The following CDK17 variants were observed in gnomAD, a reference collection of about 807,000 sequenced individuals.
The protein encoded by CDK17 is cyclin-dependent kinase 17.
Under a neutral mutation model 77.6 loss-of-function variants are expected in CDK17, and 24 were observed. The observed-to-expected ratio is 0.31, with a 90% CI of 0.22 to 0.44. The LOEUF (loss-of-function observed/expected upper bound fraction) is 0.44, where lower values mean the gene tolerates loss of function less well. Among genes scored for constraint, CDK17 ranks in the 20% least tolerant of loss-of-function variants. The pLI is 1.00. For synonymous variants in CDK17, 203 were observed against 210.4 expected (o/e 0.96, Z 0.30); for missense variants, 429 against 622.5 (o/e 0.69, Z 3.31).
At chr12:96,312,950 C>A (rs923325784) in intron 4 of CDK17, among the ~76,000 whole-genome samples, 1 of 152,106 alleles carries the variant, frequency 6.6e-6, no homozygotes, top group African/African-American at 2.4e-5. Flanking sequence ...CCAGATGAAT[C>A]TCAAAAATAT....
intron 1 of CDK17, among the ~76,000 whole-genome samples, chr12:96,384,747 T>A (rs1374707596): frequency 6.6e-6 from 1 of 152,132 alleles, no homozygotes; most frequent in Non-Finnish European, 1.5e-5. Flanking sequence ...CTGAGCAGGG[T>A]GGCTAATGCC....
At chr12:96,308,436 T>C (rs1028022535) in intron 5 of CDK17, among the ~76,000 whole-genome samples, 2 of 151,280 alleles carry the variant, frequency 1.3e-5, no homozygotes, top group African/African-American at 4.9e-5. Context: ...CATTATATAA[T>C]AATATGTAAA....
At chr12:96,317,315 C>T (rs1358882416) in intron 3 of CDK17, among the ~76,000 whole-genome samples, 5 of 129,574 alleles carry the variant, frequency 3.9e-5, no homozygotes, top group African/African-American at 1.1e-4. Context: ...ACCAAATCTA[C>T]GTCTGATTGG....
chr12:96,284,731 A>C (rs1952226004), intron 13 of CDK17, among the ~76,000 whole-genome samples: 2 of 151,580 alleles, frequency 1.3e-5, no homozygotes, highest in African/African-American at 4.8e-5. Context: ...CGTCCGGCTA[A>C]TTTTTTGTAT....
At chr12:96,380,373 C>G (rs1953860847) in intron 1 of CDK17, among the ~76,000 whole-genome samples, 1 of 151,100 alleles carries the variant, frequency 6.6e-6, no homozygotes, top group East Asian at 2.0e-4. Flanking sequence ...CCTCCGCCTC[C>G]TGGGTTCATA....
intron 9 of CDK17, 53 bp from the exon 10 acceptor site, chr12:96,295,175 A>G: frequency 2.9e-6 from 4 of 1,393,556 alleles, no homozygotes; most frequent in South Asian, 1.3e-5. Context: ...ATGCTTTAGT[A>G]TAAGCATAAA....
chr12:96,318,684 T>C lies in CDK17; in HGVS notation c.284-5230A>G, dbSNP rs1050267348. ...TCAACTACATGGAAACTGAACAACC[T>C]GCTCCTGAATGACTACTGGGTACAT... On this transcript the variant is annotated intron_variant, in intron 3 of 16. Transcript: ENST00000261211. Among the ~76,000 whole-genome samples the C allele has an allele frequency of 2.3e-4, 33 of 145,442 alleles. No individual in the cohort carries two copies. The Admixed American group carries it at 2.3e-3, about 10-fold the overall frequency.
chr12:96,399,881 C>T (rs1170667513), intron 1 of CDK17, 105 bp downstream of exon 1: 2 of 297,664 alleles, frequency 6.7e-6, no homozygotes, highest in Non-Finnish European at 1.2e-5. Context: ...GCCACCCGCG[C>T]CCCCAGTAGC....
At chr12:96,314,566 T>C (rs1381667070) in intron 3 of CDK17, among the ~76,000 whole-genome samples, 2 of 152,178 alleles carry the variant, frequency 1.3e-5, no homozygotes, top group Non-Finnish European at 2.9e-5. Context: ...TCCACCCACC[T>C]TGGCCTCTCA....
chr12:96,334,581 C>A lies in CDK17; in HGVS notation c.118+138G>T. 3 of 570,986 alleles carry A rather than the reference C, an allele frequency of 5.3e-6. No homozygotes were observed. The South Asian group carries it at 7.5e-5, about 14-fold the overall frequency. The allele number at this position is 570,986 out of a possible 1,614,324, so 35.4% of individuals were successfully genotyped here. A position where few individuals can be genotyped will look rare whatever the true frequency, so the allele number is the denominator to read the frequency against. On this transcript the variant is annotated intron_variant, in intron 2 of 16. Coordinates refer to ENST00000261211, the MANE Select transcript of CDK17 (RefSeq NM_002595.5). ...AACCAAACAAAAGTTATATAGTCTT[C>A]AATTTCCTAAGAAACCATGGAATGA...
intron 2 of CDK17, among the ~76,000 whole-genome samples, chr12:96,331,780 G>C (rs1208011672): frequency 6.6e-6 from 1 of 152,118 alleles, no homozygotes; most frequent in African/African-American, 2.4e-5. Context: ...CAATTAATGT[G>C]TTCTGGATCT....
At chr12:96,296,712 T>A (rs1952412271) in intron 9 of CDK17, among the ~76,000 whole-genome samples, 1 of 152,238 alleles carries the variant, frequency 6.6e-6, no homozygotes, top group Non-Finnish European at 1.5e-5. Context: ...TTGGGTATCA[T>A]CTGGCACTGA....
In CDK17 at chr12:96,291,628, C is replaced by CTT. The variant is rs1164677307; in HGVS notation, c.998-2343_998-2342dup. Among the ~76,000 whole-genome samples, 1,050 of 117,752 alleles carry CTT rather than the reference C, an allele frequency of 8.9e-3. 40 individuals are homozygous for CTT. Among genetic ancestry groups the CTT allele is most frequent in the Admixed American group, 0.041 (444 of 10,868 alleles). The allele number at this position is 117,752 out of a possible 152,430, so 77.2% of individuals were successfully genotyped here. A position where few individuals can be genotyped will look rare whatever the true frequency, so the allele number is the denominator to read the frequency against. ...TTTATAGTCCTTGACATTCCTTTTG[C>CTT]TTTTTTTTTTTTTTTTTTTTGAGAT... is the stretch of plus-strand genomic sequence containing the variant. On this transcript the variant is annotated intron_variant, in intron 10 of 16. Coordinates refer to ENST00000261211, the MANE Select transcript of CDK17 (RefSeq NM_002595.5).
chr12:96,310,111 T>C (rs940579072), intron 5 of CDK17, among the ~76,000 whole-genome samples: 8 of 152,120 alleles, frequency 5.3e-5, no homozygotes, highest in Non-Finnish European at 1.2e-4. Context: ...TGAAGTACAG[T>C]ACACTCATAA....
At chr12:96,299,038 T>C (rs1952457005) in intron 6 of CDK17, 55 bp from the exon 7 acceptor site, 1 of 795,704 alleles carries the variant, frequency 1.3e-6, no homozygotes, top group Non-Finnish European at 2.0e-6. Context: ...GTCTATTTAA[T>C]ACCATCTTAT....
chr12:96,318,164 A>G (rs1264123031), intron 3 of CDK17, among the ~76,000 whole-genome samples: 1 of 150,378 alleles, frequency 6.6e-6, no homozygotes, highest in Non-Finnish European at 1.5e-5. Flanking sequence ...CTCTGATAAA[A>G]CAGACTTTAA....
At chr12:96,363,610 G>A (rs929114927) in intron 1 of CDK17, among the ~76,000 whole-genome samples, 3 of 152,154 alleles carry the variant, frequency 2.0e-5, no homozygotes, top group African/African-American at 4.8e-5. Context: ...CACTTTGGGA[G>A]GTCAAGGCGG....
chr12:96,294,785 C>T (rs896793600), intron 10 of CDK17, among the ~76,000 whole-genome samples: 2 of 151,948 alleles, frequency 1.3e-5, no homozygotes, highest in Admixed American at 6.6e-5. Flanking sequence ...GGGTCTTTGT[C>T]CACACCCAAG....
chr12:96,313,878 AAAT>A (rs779207374), intron 3 of CDK17, among the ~76,000 whole-genome samples: 1 of 152,180 alleles, frequency 6.6e-6, no homozygotes, highest in Non-Finnish European at 1.5e-5. Flanking sequence ...TCTTTCAATT[AAAT>A]AATGTGTCAC....
Sources: gnomAD v4.1 joint callset for allele counts (sites outside exome capture counted in the v4.1 genomes callset) on GRCh38, gnomAD v4.1.1 for gene constraint, MANE v1.5 for transcripts, NCBI Gene and HGNC (gene_info 2026-07-23, HGNC 2026-07-21) for gene names.